The following CD36 variants were observed in gnomAD, a reference collection of about 807,000 sequenced individuals.
CD36 encodes the protein platelet glycoprotein 4.
A neutral mutation model predicts 55.2 loss-of-function variants in CD36; 119 were observed. That is an observed-to-expected ratio of 2.15 (90% confidence interval 1.86 to 2.51). The LOEUF (loss-of-function observed/expected upper bound fraction) is 2.51. Among genes scored for constraint, CD36 ranks in the 30% most tolerant of loss-of-function variants. CD36 has a pLI of 0.00. For missense variants in CD36, 819 were observed against 555.5 expected, an observed-to-expected ratio of 1.47 and a Z score of -4.77; for synonymous variants, 186 against 193.6, an observed-to-expected ratio of 0.96 and a Z score of 0.33.
In CD36 at chr7:80,670,990, G is replaced by C. The variant is rs548747137; in HGVS notation, c.832G>C (p.Val278Leu). The C allele has an allele frequency of 2.5e-6, 4 of 1,612,362 alleles. No individual in the cohort carries two copies. In the South Asian group the frequency reaches 4.4e-5, roughly 18 times the overall value. The change falls in exon 10 of 15, where the codon GTA (valine) becomes CTA (leucine). Residue 278 changes from valine to leucine, a missense_variant. Val to Leu is a conservative substitution (Grantham distance 32, BLOSUM62 1). Transcript: ENST00000447544. ...CTCTGTATTTAGGTCAATCTATGCTGTATTTGAATCCGACGTTAATCTGAA... is the reference window on the plus strand; with the variant it reads ...CTCTGTATTTAGGTCAATCTATGCTCTATTTGAATCCGACGTTAATCTGAA... ...SSDICRSIYA[V>L]FESDVNLKGI...
intron 10 of CD36, 24 bp downstream of exon 10, chr7:80,671,188 C>A: frequency 6.9e-7 from 1 of 1,451,662 alleles, no homozygotes; most frequent in Non-Finnish European, 9.7e-7. Flanking sequence ...CTCAGTAGCA[C>A]AGTCCATACC....
At chr7:80,642,693 T>A (rs1261867148) in intron 1 of CD36, among the ~76,000 whole-genome samples, 1 of 152,160 alleles carries the variant, frequency 6.6e-6, no homozygotes, top group Non-Finnish European at 1.5e-5. Flanking sequence ...TGCCTATTCT[T>A]AGGAAAAAGG....
chr7:80,673,865 A>G (rs1797978035), intron 13 of CD36, 118 bp from the exon 14 acceptor site: 2 of 771,736 alleles, frequency 2.6e-6, no homozygotes, highest in Admixed American at 2.0e-5. Flanking sequence ...AACTTGCCTT[A>G]TAGATACTGA....
rs3211853 is a variant in CD36 at position 80,654,579 on chromosome 7, G to T, written c.121-1961G>T. On this transcript the variant is annotated intron_variant, in intron 3 of 14. Coordinates refer to ENST00000447544, the MANE Select transcript of CD36 (RefSeq NM_001001548.3). ...TTACATTTAGAAGAATATCCATAAT[G>T]CTTTAAGCAATTTTGTCTTAATATT... Among the ~76,000 whole-genome samples the T allele has an allele frequency of 3.6e-3, 545 of 152,086 alleles. 1 individual carries two copies. Among genetic ancestry groups the T allele is most frequent in the Middle Eastern group, 0.017 (5 of 294 alleles).
intron 7 of CD36, among the ~76,000 whole-genome samples, chr7:80,665,591 C>G (rs529592897): frequency 6.6e-6 from 1 of 151,954 alleles, no homozygotes; most frequent in Non-Finnish European, 1.5e-5. Context: ...TGAGAAATAA[C>G]GAGCATTTCA....
chr7:80,610,899 G>T (rs906485114), intron 1 of CD36, among the ~76,000 whole-genome samples: 7 of 149,578 alleles, frequency 4.7e-5, no homozygotes, highest in African/African-American at 1.8e-4. Flanking sequence ...TAGAGACAGG[G>T]TCTGCTCTCT....
At chr7:80,649,505 TGATA>T (rs1795437059) in intron 3 of CD36, among the ~76,000 whole-genome samples, 2 of 149,668 alleles carry the variant, frequency 1.3e-5, no homozygotes, top group East Asian at 2.0e-4. Flanking sequence ...AAAAAAAAAC[TGATA>T]GATAATAGGA....
rs1178238202 is a variant in CD36 at position 80,672,820 on chromosome 7, G to T, written c.1176G>T (p.Leu392Phe). ...QFAKRLQVNL[L>F]VKPSEKIQVL... ...CAAAACGGCTGCAGGTCAACCTATT[G>T]GTCAAGCCATCAGAAAAAATTCAGT... The change falls in exon 12 of 15, where the codon TTG (leucine) becomes TTT (phenylalanine). Residue 392 changes from leucine (L) to phenylalanine (F), a missense_variant. Transcript: ENST00000447544. The T allele has an allele frequency of 1.2e-6, 2 of 1,610,366 alleles. No homozygotes were observed. The highest frequency in any genetic ancestry group is 1.7e-6 in the Non-Finnish European group (2 of 1,177,750).
At chr7:80,628,762 A>C (rs1377991228) in intron 1 of CD36, among the ~76,000 whole-genome samples, 4 of 152,034 alleles carry the variant, frequency 2.6e-5, no homozygotes, top group Admixed American at 2.0e-4. Flanking sequence ...GGTTTTATGC[A>C]TTTTAGGAAG....
intron 5 of CD36, chr7:80,662,576 G>T: frequency 3.9e-6 from 1 of 258,024 alleles, no homozygotes; most frequent in South Asian, 4.6e-5. Flanking sequence ...TTTGGGACCA[G>T]ACTTATGGCT....
intron 5 of CD36, 44 bp downstream of exon 5, chr7:80,661,254 G>T (rs1796507821): frequency 3.2e-6 from 5 of 1,546,524 alleles, no homozygotes; most frequent in Middle Eastern, 1.7e-4. Context: ...AAATACTCTA[G>T]AACTCATGTA....
At position 80,674,145 on chromosome 7, in the gene CD36, T is replaced by G. The variant is rs550163799; in HGVS notation, c.1417T>G (p.Ter473GluextTer15). Residue 473 changes from the stop codon to glutamate (E), a stop_lost and splice_region_variant, in exon 14 of 15, where the codon TAA (stop) becomes GAA (glutamate). Coordinates refer to ENST00000447544, the MANE Select transcript of CD36 (RefSeq NM_001001548.3). ...TGCATGCAGATCGAAAACAATAAAA[T>G]AAGTAAGTATGTACCAAAAAATATT... ...YCACRSKTIK* is the reference protein window; with the variant it reads ...YCACRSKTIKE The G allele has an allele frequency of 6.4e-7, 1 of 1,560,688 alleles. No homozygotes were observed. The highest frequency in any genetic ancestry group is 1.4e-5 in the African/African-American group (1 of 72,468).
chr7:80,667,092 A>G (rs1797161056), intron 8 of CD36, among the ~76,000 whole-genome samples: 1 of 152,156 alleles, frequency 6.6e-6, no homozygotes, highest in Non-Finnish European at 1.5e-5. Context: ...AGGAAAAGCA[A>G]AGTACAGATA....
rs756466792 is a variant in CD36, at chr7:80,666,496, ATATT to A, written c.748+9_748+12del. 6.2e-7 allele frequency: 1 copy of A among 1,603,290 alleles called. No homozygotes were observed. The highest frequency in any genetic ancestry group is 1.3e-5 in the African/African-American group (1 of 74,842). ...GACATGATTAATGGTACAGGTAAGA[ATATT>A]TGTTTTGTGGTCATCACAGTTAATC... is the stretch of plus-strand genomic sequence containing the variant. On this transcript the variant is annotated splice_region_variant and intron_variant, in intron 8 of 14. Coordinates refer to ENST00000447544, the MANE Select transcript of CD36 (RefSeq NM_001001548.3).
rs766712972 is a variant in CD36 at position 80,671,060 on chromosome 7, C to A, written c.902C>A (p.Ala301Asp). 6.2e-6 allele frequency: 10 copies of A among 1,611,770 alleles called. No homozygotes were observed. Among genetic ancestry groups the A allele is most frequent in the South Asian group, 5.5e-5 (5 of 91,034 alleles). The change falls in exon 10 of 15, where the codon GCC (alanine) becomes GAC (aspartate). Residue 301 changes from alanine to aspartate, a missense_variant. By Grantham distance (126) the Ala-to-Asp change is moderately radical (BLOSUM62 -2). Coordinates refer to ENST00000447544, the MANE Select transcript of CD36 (RefSeq NM_001001548.3). ...YRFVLPSKAF[A>D]SPVENPDNYC... ...TTTGTTCTTCCATCCAAGGCCTTTG[C>A]CTCTCCAGTTGAAAACCCAGACAAC...
At chr7:80,636,720 C>T (rs939447122), upstream of CD36, 1 of 151,866 alleles carries the variant, frequency 6.6e-6, no homozygotes, top group Admixed American at 6.6e-5. Context: ...AAATGAAAAC[C>T]CCAACACTCT....
chr7:80,673,417 T>G lies in CD36; in HGVS notation c.1254+8T>G, dbSNP rs948588858. The G allele has an allele frequency of 3.9e-6, 6 of 1,541,734 alleles. No homozygotes were observed. Among genetic ancestry groups the G allele is most frequent in the Admixed American group, 3.3e-5 (2 of 59,818 alleles). On this transcript the variant is annotated splice_region_variant and intron_variant, in intron 13 of 14. Coordinates refer to ENST00000447544, the MANE Select transcript of CD36 (RefSeq NM_001001548.3). The stretch of plus-strand genomic sequence containing the variant: ...ATTCTTTGGCTTAATGAGGTTTGTA[T>G]TTGCAGCTGTTAGTCATTAAAAACA...
At chr7:80,673,125 C>T (rs1426583168) in intron 12 of CD36, 10 of 506,958 alleles carry the variant, frequency 2.0e-5, no homozygotes, top group Non-Finnish European at 3.5e-5. Flanking sequence ...TTTCAGTTCC[C>T]CGAGAATTTA....
rs143352885 is a variant in CD36, at chr7:80,609,141, C to T, written c.-184+6762C>T. 4.4e-4 allele frequency among the ~76,000 whole-genome samples: 67 copies of T among 152,190 alleles called. 1 individual carries two copies. In the East Asian group the frequency reaches 0.013, roughly 29 times the overall value. The stretch of plus-strand genomic sequence containing the variant: ...GAATGAATTCCAGGTAATCAAGGCA[C>T]ACATACAATATAAAGTTTGGTATAG... On this transcript the variant is annotated intron_variant, in intron 1 of 13. Coordinates refer to the CD36 transcript ENST00000309881.
Sources: gnomAD v4.1 joint callset for allele counts (sites outside exome capture counted in the v4.1 genomes callset) on GRCh38, gnomAD v4.1.1 for gene constraint, MANE v1.5 for transcripts, NCBI Gene and HGNC (gene_info 2026-07-23, HGNC 2026-07-21) for gene names.